The following TSNARE1 variants were observed in gnomAD, a reference collection of about 807,000 sequenced individuals.
TSNARE1 encodes t-SNARE domain-containing protein 1.
A neutral mutation model predicts 62.0 loss-of-function variants in TSNARE1; 49 were observed. The observed-to-expected ratio is 0.79, with a 90% CI of 0.63 to 1.00. TSNARE1 has a LOEUF of 1.00. Among genes scored for constraint, TSNARE1 ranks in the 50% least tolerant of loss-of-function variants. The probability of loss-of-function intolerance (pLI) is 0.00; values close to 1 mark genes in which losing one functional copy is unlikely to be tolerated. For synonymous variants in TSNARE1, 328 were observed against 294.4 expected, an observed-to-expected ratio of 1.11 and a Z score of -1.17; for missense variants, 755 against 700.1, an observed-to-expected ratio of 1.08 and a Z score of -0.88.
intron 1 of TSNARE1, among the ~76,000 whole-genome samples, chr8:142,378,915 G>A (rs1185792882): frequency 3.3e-5 from 5 of 152,134 alleles, no homozygotes; most frequent in Admixed American, 1.3e-4. Flanking sequence ...CCCGGGTGGC[G>A]CACCCTTCAA....
intron 11 of TSNARE1, chr8:142,277,028 G>A: frequency 1.0e-6 from 1 of 985,448 alleles, no homozygotes; most frequent in Non-Finnish European, 1.2e-6. Context: ...CTCGTGGGGT[G>A]AGGACAGGTT....
intron 13 of TSNARE1, among the ~76,000 whole-genome samples, chr8:142,221,192 G>T (rs548781157): frequency 1.3e-5 from 2 of 152,318 alleles, no homozygotes; most frequent in Non-Finnish European, 1.5e-5. Flanking sequence ...CTGTGGCGAG[G>T]AGTCAGTGAG....
At chr8:142,233,624 C>T (rs1251748573) in intron 12 of TSNARE1, among the ~76,000 whole-genome samples, 6 of 152,186 alleles carry the variant, frequency 3.9e-5, no homozygotes, top group East Asian at 3.9e-4. Flanking sequence ...AGACCAGGCC[C>T]ACAGACACAA....
In TSNARE1 at chr8:142,284,744, C is replaced by T. The variant is rs551236065; in HGVS notation, c.1291-259G>A. On this transcript the variant is annotated intron_variant, in intron 10 of 13. Coordinates refer to ENST00000524325, the MANE Select transcript of TSNARE1 (RefSeq NM_145003.5). ...GGGATCTGAGTGCTCCATCTCCTGA[C>T]TCTGAAGCCAAACCCCAACCTCTCC... Among the ~76,000 whole-genome samples, 11 of 152,352 alleles carry T rather than the reference C, an allele frequency of 7.2e-5. No individual in the cohort carries two copies. In the South Asian group the frequency reaches 2.1e-3, roughly 29 times the overall value.
At chr8:142,335,068 G>A (rs530049081) in intron 4 of TSNARE1, among the ~76,000 whole-genome samples, 26 of 152,320 alleles carry the variant, frequency 1.7e-4, no homozygotes, top group African/African-American at 4.6e-4. Context: ...AGCAAAATCC[G>A]TAACTATGTG....
chr8:142,379,525 G>A (rs1044635858), intron 1 of TSNARE1, among the ~76,000 whole-genome samples: 4 of 152,238 alleles, frequency 2.6e-5, no homozygotes, highest in African/African-American at 4.8e-5. Context: ...GATGGGGAAC[G>A]GGGCGGGGAG....
chr8:142,377,846 C>G (rs539311562), intron 1 of TSNARE1, among the ~76,000 whole-genome samples: 1 of 152,328 alleles, frequency 6.6e-6, no homozygotes, highest in Non-Finnish European at 1.5e-5. Context: ...CCTAAAGACT[C>G]AGTAATAAAT....
At chr8:142,287,142 G>A (rs1363328921) in intron 10 of TSNARE1, among the ~76,000 whole-genome samples, 1 of 151,646 alleles carries the variant, frequency 6.6e-6, no homozygotes, top group Non-Finnish European at 1.5e-5. Flanking sequence ...CCAGGACCCC[G>A]GCCAGATCTC....
chr8:142,276,883 C>T (rs2095472232), intron 11 of TSNARE1: 1 of 985,354 alleles, frequency 1.0e-6, no homozygotes, highest in Non-Finnish European at 1.2e-6. Flanking sequence ...ACAACCACTG[C>T]CCAGCTCCGC....
rs371862847 is a variant in TSNARE1, at chr8:142,291,797, G to A, written c.1291-7312C>T. Among the ~76,000 whole-genome samples the A allele has an allele frequency of 1.3e-4, 20 of 152,204 alleles. No homozygotes were observed. The highest frequency in any genetic ancestry group is 7.8e-4 in the East Asian group (4 of 5,134). On this transcript the variant is annotated intron_variant, in intron 10 of 13. Transcript: ENST00000524325. This position sits in a 1 kb window ranked among gnomAD's most constrained non-coding sequence, Gnocchi z 4.8. ...GTGAAAGGGAGCCAGCGGCTCAGGC[G>A]TCAGGCATAGGGTGCTCTGGGCCTC...
At chr8:142,326,988 G>A (rs569510562) in intron 6 of TSNARE1, among the ~76,000 whole-genome samples, 107 of 152,282 alleles carry the variant, frequency 7.0e-4, no homozygotes, top group Admixed American at 2.4e-3. Context: ...AGTGAGGTGG[G>A]GAGACAGGAA....
At chr8:142,359,662 C>T (rs1477454898) in intron 1 of TSNARE1, among the ~76,000 whole-genome samples, 1 of 152,230 alleles carries the variant, frequency 6.6e-6, no homozygotes, top group Non-Finnish European at 1.5e-5. Context: ...CAGAGCCCGC[C>T]TGCCTCACCT....
At chr8:142,278,434 G>C in intron 11 of TSNARE1, 1 of 985,466 alleles carries the variant, frequency 1.0e-6, no homozygotes, top group East Asian at 1.1e-4. Context: ...TGCTTCCGGG[G>C]CTTCGTTCCC....
intron 12 of TSNARE1, chr8:142,274,105 G>A: frequency 1.0e-6 from 1 of 985,410 alleles, no homozygotes; most frequent in Non-Finnish European, 1.2e-6. Flanking sequence ...CAGCCTGCCT[G>A]GCCCCTGGGA....
At chr8:142,325,214 A>G (rs6983790) in intron 6 of TSNARE1, among the ~76,000 whole-genome samples, 101,551 of 152,024 alleles carry the variant, frequency 0.67, 34,494 homozygotes, top group South Asian at 0.79. Flanking sequence ...AGGCCGTGGG[A>G]CTGGAGGGGG....
At chr8:142,312,726 C>T (rs191090639) in intron 9 of TSNARE1, among the ~76,000 whole-genome samples, 1 of 151,816 alleles carries the variant, frequency 6.6e-6, no homozygotes, top group East Asian at 1.9e-4. Flanking sequence ...GGAAAACGGA[C>T]CGAGTGCTGC....
rs954489523 is a variant in TSNARE1 at position 142,357,889 on chromosome 8, C to T, written c.-39-3126G>A. Among the ~76,000 whole-genome samples the T allele has an allele frequency of 3.0e-4, 45 of 152,088 alleles. 1 individual carries two copies. Among genetic ancestry groups the T allele is most frequent in the African/African-American group, 9.7e-4 (40 of 41,386 alleles). ...TCAGGGGGATGTTAACCAGAGGCCA[C>T]GAAAGCCACGGCGGAGGCTCCATGA... On this transcript the variant is annotated intron_variant, in intron 1 of 13. Transcript: ENST00000524325.
chr8:142,284,857 T>C (rs568416575), intron 10 of TSNARE1, among the ~76,000 whole-genome samples: 43 of 152,152 alleles, frequency 2.8e-4, no homozygotes, highest in Non-Finnish European at 5.9e-4. Context: ...AAGGACAGCA[T>C]CCCCAGCACT....
intron 12 of TSNARE1, among the ~76,000 whole-genome samples, chr8:142,254,350 G>A (rs1358096161): frequency 2.0e-5 from 3 of 152,150 alleles, no homozygotes; most frequent in East Asian, 1.9e-4. Flanking sequence ...TGCTGCTGCT[G>A]TCTGCAGAAG....
Sources: allele counts gnomAD v4.1 joint callset (sites outside exome capture counted in the v4.1 genomes callset), GRCh38; gene constraint gnomAD v4.1.1; non-coding constraint Gnocchi (gnomAD v3.1); transcripts MANE v1.5; gene names NCBI Gene and HGNC (gene_info 2026-07-23, HGNC 2026-07-21).